TSPAN11: variants seen among roughly 807,000 people sequenced by gnomAD.
The protein encoded by TSPAN11 is tetraspanin-11.
A neutral mutation model predicts 32.9 loss-of-function variants in TSPAN11; 29 were observed. The observed-to-expected ratio is 0.88, with a 90% CI of 0.66 to 1.20. The LOEUF (loss-of-function observed/expected upper bound fraction) is 1.20, where lower values mean the gene tolerates loss of function less well. Among genes scored for constraint, TSPAN11 ranks in the 50% most tolerant of loss-of-function variants. The pLI, the probability that TSPAN11 is intolerant of heterozygous loss-of-function variation, is 0.00. For missense variants in TSPAN11, 283 were observed against 329.1 expected (o/e 0.86, Z 1.08); for synonymous variants, 140 against 141.3 (o/e 0.99, Z 0.07).
chr12:30,976,997 G>C (rs1176033376), intron 3 of TSPAN11, among the ~76,000 whole-genome samples: 1 of 152,234 alleles, frequency 6.6e-6, no homozygotes, highest in African/African-American at 2.4e-5. Context: ...GATGGGGCTA[G>C]GCCTGACACT....
chr12:30,966,737 G>A (rs1178020149), intron 3 of TSPAN11, among the ~76,000 whole-genome samples: 1 of 152,254 alleles, frequency 6.6e-6, no homozygotes, highest in East Asian at 1.9e-4. Flanking sequence ...TCATGGAGCA[G>A]TGGCTTTTGG....
At chr12:31,016,232 C>T in the TSPAN11 span, among the ~76,000 whole-genome samples, 5 of 152,254 alleles carry the variant, frequency 3.3e-5, no homozygotes, top group African/African-American at 1.2e-4. Context: ...AAGCAGTGGC[C>T]GCCAGGGATG....
chr12:31,002,257 G>T, the TSPAN11 span, among the ~76,000 whole-genome samples: 11 of 152,096 alleles, frequency 7.2e-5, no homozygotes, highest in Non-Finnish European at 1.0e-4. The surrounding 1 kb of genome is among the most constrained non-coding windows in gnomAD (Gnocchi z 4.8). Context: ...ACAATTTCAC[G>T]TGGACCTGGC....
intron 3 of TSPAN11, among the ~76,000 whole-genome samples, chr12:30,977,457 G>A (rs1191299087): frequency 2.0e-5 from 3 of 152,326 alleles, no homozygotes; most frequent in East Asian, 1.9e-4. Flanking sequence ...GGCAGTGCCC[G>A]GGGGCAGCCT....
At chr12:30,966,691 C>T (rs1419736833) in intron 3 of TSPAN11, among the ~76,000 whole-genome samples, 1 of 152,224 alleles carries the variant, frequency 6.6e-6, no homozygotes, top group Admixed American at 6.5e-5. Flanking sequence ...AGGATGTGTG[C>T]AGGGCACACC....
In TSPAN11 at chr12:30,983,283, T is replaced by G. The variant is rs1015408697; in HGVS notation, c.702+133T>G. ...ACCCGCACCCTACCCTGCTCTCTTCTTCTCTCCCCTTCCCTCTGCAACCAA... is the reference window on the plus strand; with the variant it reads ...ACCCGCACCCTACCCTGCTCTCTTCGTCTCTCCCCTTCCCTCTGCAACCAA... On this transcript the variant is annotated intron_variant, in intron 7 of 7. Transcript: ENST00000546076. 5 of 817,222 alleles carry G rather than the reference T, an allele frequency of 6.1e-6. No homozygotes were observed. In the African/African-American group the frequency reaches 8.6e-5, roughly 14 times the overall value. 50.6% of individuals were successfully genotyped at this position (817,222 alleles called of 1,614,324 possible).
At chr12:30,939,616 CAACA>C (rs1938119371) in intron 1 of TSPAN11, among the ~76,000 whole-genome samples, 1 of 152,118 alleles carries the variant, frequency 6.6e-6, no homozygotes, top group Admixed American at 6.6e-5. Flanking sequence ...TTGTGTTTGC[CAACA>C]CTGAGATCAC....
chr12:30,940,618 T>TA (rs780032310), intron 1 of TSPAN11, among the ~76,000 whole-genome samples: 52 of 152,212 alleles, frequency 3.4e-4, no homozygotes, highest in Non-Finnish European at 6.3e-4. Context: ...GCACTGCTCA[T>TA]AATTATGTCC....
At chr12:30,944,538 G>A (rs1269082366) in intron 1 of TSPAN11, among the ~76,000 whole-genome samples, 1 of 152,004 alleles carries the variant, frequency 6.6e-6, no homozygotes, top group African/African-American at 2.4e-5. Flanking sequence ...ATATCCAAAG[G>A]AAGTGAAATC....
In TSPAN11 at chr12:30,938,727, C is replaced by T. The variant is rs116729149; in HGVS notation, c.-12+11931C>T. On this transcript the variant is annotated intron_variant, in intron 1 of 7. Coordinates refer to ENST00000546076, the MANE Select transcript of TSPAN11 (RefSeq NM_001370302.1). ...CACCCTGAATGGGTCACCCCTGAAGCTTCCATCCTTGCTCTGAGCAGCTTC... is the reference window on the plus strand; with the variant it reads ...CACCCTGAATGGGTCACCCCTGAAGTTTCCATCCTTGCTCTGAGCAGCTTC... Among the ~76,000 whole-genome samples the T allele has an allele frequency of 5.5e-3, 843 of 152,318 alleles. 1 individual carries two copies. The highest frequency in any genetic ancestry group is 0.019 in the African/African-American group (807 of 41,572).
intron 1 of TSPAN11, among the ~76,000 whole-genome samples, chr12:30,951,109 A>G (rs1938372703): frequency 6.6e-6 from 1 of 152,194 alleles, no homozygotes; most frequent in South Asian, 2.1e-4. Context: ...CAATTAACGA[A>G]TTTGATCTAA....
At chr12:30,930,382 C>G (rs1328928200) in intron 1 of TSPAN11, among the ~76,000 whole-genome samples, 1 of 152,164 alleles carries the variant, frequency 6.6e-6, no homozygotes, top group Admixed American at 6.5e-5. Flanking sequence ...GGCACTCACC[C>G]AAGCCCCAGC....
chr12:30,996,357 C>G lies in TSPAN11; in HGVS notation c.*4442C>G, dbSNP rs1238663185. 1 of 152,290 alleles carries G rather than the reference C, an allele frequency of 6.6e-6. No individual in the cohort carries two copies. The highest frequency in any genetic ancestry group is 2.4e-5 in the African/African-American group (1 of 41,468). The allele number at this position is 152,290 out of a possible 1,614,324, so 9.4% of individuals were successfully genotyped here. ...CCTGCTCCCCATACCCTGCCCTGTG[C>G]AAGTGCCAGCCGTTATTCCAGGCAG... On this transcript the variant is annotated 3_prime_UTR_variant, in exon 8 of 8. Coordinates refer to ENST00000546076, the MANE Select transcript of TSPAN11 (RefSeq NM_001370302.1).
intron 1 of TSPAN11, among the ~76,000 whole-genome samples, chr12:30,948,494 A>G (rs557714359): frequency 6.6e-6 from 1 of 152,288 alleles, no homozygotes; most frequent in East Asian, 1.9e-4. Context: ...CTGTGCACCC[A>G]CAGGCCCAAC....
At chr12:30,984,466 A>G (rs1030603477) in intron 7 of TSPAN11, among the ~76,000 whole-genome samples, 2 of 151,752 alleles carry the variant, frequency 1.3e-5, no homozygotes, top group Non-Finnish European at 2.9e-5. Context: ...TGTAGACTTC[A>G]GAGGATTTCT....
chr12:30,983,321 C>G (rs35088), intron 7 of TSPAN11, among the ~76,000 whole-genome samples, 171 bp downstream of exon 7: 1 of 152,058 alleles, frequency 6.6e-6, no homozygotes, highest in Non-Finnish European at 1.5e-5. Flanking sequence ...CTGAATCCCA[C>G]GGTCAGTCTC....
intron 2 of TSPAN11, among the ~76,000 whole-genome samples, chr12:30,962,611 A>G (rs4931394): frequency 0.44 from 66,654 of 151,854 alleles, 15,008 homozygotes; most frequent in Non-Finnish European, 0.48. Context: ...GGTAGGTTAT[A>G]TGGAGTCTTC....
chr12:31,015,186 T>C, the TSPAN11 span, among the ~76,000 whole-genome samples: 1 of 152,248 alleles, frequency 6.6e-6, no homozygotes, highest in South Asian at 2.1e-4. The surrounding 1 kb of genome is among the most constrained non-coding windows in gnomAD (Gnocchi z 4.9). Context: ...ATGTATTGTG[T>C]ATGGCGTAAT....
rs1939406745 is a variant in TSPAN11 at position 30,995,881 on chromosome 12, G to T, written c.*3966G>T. ...TGACAAGTTCCCAGGAGCTGCAGCT[G>T]CTGGCCCTGGAACCACACTTTGAGA... On this transcript the variant is annotated 3_prime_UTR_variant, in exon 8 of 8. Coordinates refer to ENST00000546076, the MANE Select transcript of TSPAN11 (RefSeq NM_001370302.1). 1 of 152,228 alleles carries T rather than the reference G, an allele frequency of 6.6e-6. No individual in the cohort carries two copies. The highest frequency in any genetic ancestry group is 2.4e-5 in the African/African-American group (1 of 41,432). The allele number at this position is 152,228 out of a possible 1,614,324, so 9.4% of individuals were successfully genotyped here.
Sources: allele counts gnomAD v4.1 joint callset (sites outside exome capture counted in the v4.1 genomes callset), GRCh38; gene constraint gnomAD v4.1.1; non-coding constraint Gnocchi (gnomAD v3.1); transcripts MANE v1.5; gene names NCBI Gene and HGNC (gene_info 2026-07-23, HGNC 2026-07-21).